The following HK1 variants were observed in gnomAD, a reference collection of about 807,000 sequenced individuals.
HK1 encodes hexokinase 1.
In HK1, 28 loss-of-function variants were observed where a neutral mutation model predicts 91.6. The observed-to-expected ratio is 0.31, with a 90% CI of 0.23 to 0.42. HK1 has a LOEUF of 0.42. Ranked by LOEUF, HK1 falls within the 10% of genes least tolerant of loss-of-function variation. HK1 has a pLI of 1.00. For missense variants in HK1, 770 were observed against 1,219.8 expected, an observed-to-expected ratio of 0.63 and a Z score of 5.49; for synonymous variants, 430 against 468.1, an observed-to-expected ratio of 0.92 and a Z score of 1.05.
Position 69,284,570 on chromosome 10 carries a change from T to C in HK1, c.-215+1866T>C, listed in dbSNP as rs552384194. On this transcript the variant is annotated intron_variant, in intron 2 of 21. Transcript: ENST00000360289. The stretch of plus-strand genomic sequence containing the variant: ...GGCTCACTCGTGTAATCCCAGCACT[T>C]CGGGAAGCTGAGAGAGGAGGATCAC... Among the ~76,000 whole-genome samples the C allele has an allele frequency of 2.6e-5, 4 of 152,272 alleles. No individual in the cohort carries two copies. The South Asian group carries it at 8.3e-4, about 32-fold the overall frequency.
At chr10:69,326,345 C>T (rs1847376819) in intron 1 of HK1, among the ~76,000 whole-genome samples, 1 of 152,046 alleles carries the variant, frequency 6.6e-6, no homozygotes, top group African/African-American at 2.4e-5. Flanking sequence ...AGTATTATTC[C>T]CGGGCTTCCC....
At chr10:69,318,690 C>T (rs1452455887), upstream of HK1, among the ~76,000 whole-genome samples, 1 of 152,150 alleles carries the variant, frequency 6.6e-6, no homozygotes, top group African/African-American at 2.4e-5. Context: ...CGGGACGCCA[C>T]CGCCGGGCGT....
At chr10:69,324,842 C>T (rs1045020995) in intron 1 of HK1, among the ~76,000 whole-genome samples, 9 of 152,034 alleles carry the variant, frequency 5.9e-5, no homozygotes, top group Non-Finnish European at 7.4e-5. Flanking sequence ...ACCTTAACAA[C>T]GGGATCTTTT....
intron 3 of HK1, among the ~76,000 whole-genome samples, chr10:69,363,659 G>A (rs1295940141): frequency 6.6e-6 from 1 of 152,150 alleles, no homozygotes; most frequent in Non-Finnish European, 1.5e-5. Context: ...GATTACAGAC[G>A]TGAGCCACCA....
rs1839556248 is a variant in HK1, at chr10:69,384,809, T to C, written c.1733T>C (p.Ile578Thr). The C allele has an allele frequency of 4.3e-6, 7 of 1,614,176 alleles. No individual in the cohort carries two copies. Among genetic ancestry groups the C allele is most frequent in the Non-Finnish European group, 5.9e-6 (7 of 1,180,016 alleles). ...QGTGEELFDH[I>T]VSCISDFLDY... ...TTTCCCCTGCAGCTGTTTGATCACA[T>C]TGTCTCCTGCATCTCTGACTTCTTG... is the stretch of plus-strand genomic sequence containing the variant. The change falls in exon 12 of 18, where the codon ATT (isoleucine) becomes ACT (threonine). Residue 578 changes from isoleucine to threonine, a missense_variant. By Grantham distance (89) the Ile-to-Thr change is moderately conservative. Around this residue, in one of 7 missense-constraint regions of HK1, gnomAD observed 48 missense variants for 128.2 expected, o/e 0.37. Coordinates refer to ENST00000359426, the MANE Select transcript of HK1 (RefSeq NM_000188.3).
At chr10:69,295,007 G>A (rs1379495456) in intron 3 of HK1, among the ~76,000 whole-genome samples, 2 of 117,030 alleles carry the variant, frequency 1.7e-5, no homozygotes, top group African/African-American at 7.0e-5. Context: ...CCAAGCCTGG[G>A]CAACAGAGAG....
At chr10:69,322,660 G>A (rs1847105578) in intron 1 of HK1, among the ~76,000 whole-genome samples, 1 of 152,218 alleles carries the variant, frequency 6.6e-6, no homozygotes, top group African/African-American at 2.4e-5. Context: ...GGAGGCTGAG[G>A]CGGGTGGATC....
At chr10:69,392,382 G>A in intron 15 of HK1, 74 bp downstream of exon 15, 2 of 1,510,568 alleles carry the variant, frequency 1.3e-6, no homozygotes, top group South Asian at 1.1e-5. Context: ...GCCACTTGCA[G>A]TGGAAGAAGT....
chr10:69,330,120 C>T (rs1157290972), intron 1 of HK1, among the ~76,000 whole-genome samples: 3 of 152,124 alleles, frequency 2.0e-5, no homozygotes, highest in African/African-American at 7.2e-5. Flanking sequence ...GCTGTCGATT[C>T]CATCAATTGA....
chr10:69,308,472 G>C (rs189528609), intron 5 of HK1, among the ~76,000 whole-genome samples: 67 of 152,236 alleles, frequency 4.4e-4, no homozygotes, highest in Middle Eastern at 3.4e-3. Flanking sequence ...GAGCAAGCAG[G>C]GGGTATGTGA....
At position 69,274,379 on chromosome 10, in the gene HK1, C is replaced by T. The variant is rs144555679; in HGVS notation, c.-391+4271C>T. ...TTGGGAGGCCAAAGCAGGTAGATCA[C>T]CTGAGGTCAGGAGTTTGAGACCAGC... is the stretch of plus-strand genomic sequence containing the variant. On this transcript the variant is annotated intron_variant, in intron 1 of 21. Coordinates refer to the HK1 transcript ENST00000360289. 3.1e-3 allele frequency among the ~76,000 whole-genome samples: 465 copies of T among 152,192 alleles called. 1 individual carries two copies. Among genetic ancestry groups the T allele is most frequent in the African/African-American group, 0.011 (454 of 41,534 alleles).
intron 5 of HK1, among the ~76,000 whole-genome samples, chr10:69,310,609 A>T (rs950742044): frequency 1.3e-5 from 2 of 152,108 alleles, no homozygotes; most frequent in African/African-American, 4.8e-5. Context: ...TCAGTCTGTA[A>T]AATATTTGAA....
intron 5 of HK1, among the ~76,000 whole-genome samples, chr10:69,310,637 A>C (rs1229854897): frequency 1.3e-5 from 2 of 152,300 alleles, no homozygotes; most frequent in African/African-American, 2.4e-5. Context: ...TTCTGAGCCA[A>C]ATATGAGCAG....
At chr10:69,319,134 T>C in intron 1 of HK1, 124 bp downstream of exon 1, 1 of 1,142,964 alleles carries the variant, frequency 8.7e-7, no homozygotes, top group East Asian at 2.6e-5. Flanking sequence ...CGAGTTGGAC[T>C]GCAGGGCGCA....
At chr10:69,292,372 T>G (rs1441880466) in intron 3 of HK1, 1 of 445,230 alleles carries the variant, frequency 2.2e-6, no homozygotes, top group Non-Finnish European at 4.5e-6. Context: ...TGCACCCAGC[T>G]TAGGACCTTG....
rs189333095 is a variant in HK1, at chr10:69,386,697, G to T, written c.1935+279G>T. On this transcript the variant is annotated intron_variant, in intron 13 of 17. Transcript: ENST00000359426. ...CTCGGGAGACTGAGGCAGAAGAATC[G>T]CTTCAACCCAGGAGGAGGTTGCAGT... 1.2e-4 allele frequency: 44 copies of T among 356,600 alleles called. No homozygotes were observed. In the East Asian group the frequency reaches 3.1e-3, roughly 25 times the overall value. The allele number at this position is 356,600 out of a possible 1,614,324, so 22.1% of individuals were successfully genotyped here. A position where few individuals can be genotyped will look rare whatever the true frequency, so the allele number is the denominator to read the frequency against.
intron 4 of HK1, chr10:69,296,258 G>C (rs1845558618): frequency 6.2e-6 from 1 of 160,728 alleles, no homozygotes; most frequent in East Asian, 1.7e-4. Context: ...GAGATGGGTT[G>C]CTTCATGCGA....
At chr10:69,378,584 G>A (rs1387313343) in intron 8 of HK1, among the ~76,000 whole-genome samples, 1 of 152,144 alleles carries the variant, frequency 6.6e-6, no homozygotes, top group Non-Finnish European at 1.5e-5. Flanking sequence ...TAGAATGACG[G>A]GAGAGGTTAA....
intron 2 of HK1, among the ~76,000 whole-genome samples, chr10:69,283,855 A>T (rs1182879609): frequency 4.6e-5 from 7 of 151,882 alleles, no homozygotes; most frequent in Non-Finnish European, 1.0e-4. Flanking sequence ...AGAGCTATCC[A>T]AGTCTCAGGA....
Sources: gnomAD v4.1 joint callset for allele counts (sites outside exome capture counted in the v4.1 genomes callset) on GRCh38, gnomAD v4.1.1 for gene constraint, gnomAD v4.1.1 regional missense constraint, MANE v1.5 for transcripts, NCBI Gene and HGNC (gene_info 2026-07-23, HGNC 2026-07-21) for gene names.